Variants in EMID1 observed in about 807,000 individuals in gnomAD.
EMID1 encodes the protein EMI domain-containing protein 1.
Under a neutral mutation model 60.6 loss-of-function variants are expected in EMID1, and 40 were observed. The ratio of observed to expected loss-of-function variants is 0.66; its 90% confidence interval spans 0.51 to 0.86. EMID1 has a LOEUF of 0.86. Ranked by LOEUF, EMID1 falls within the 40% of genes least tolerant of loss-of-function variation. The probability of loss-of-function intolerance (pLI) is 0.00; values close to 1 mark genes in which losing one functional copy is unlikely to be tolerated. For missense variants in EMID1, 585 were observed against 597.1 expected (o/e 0.98, Z 0.21); for synonymous variants, 242 against 231.0 (o/e 1.05, Z -0.43).
chr22:29,238,757 C>T (rs2041054878), intron 12 of EMID1, among the ~76,000 whole-genome samples: 1 of 131,122 alleles, frequency 7.6e-6, no homozygotes, highest in Non-Finnish European at 1.6e-5. Context: ...GAAGCAAGAT[C>T]TCACTATGTT....
rs548460863 is a variant in EMID1 at position 29,247,544 on chromosome 22, C to G, written c.1119+4055C>G. Among the ~76,000 whole-genome samples the G allele has an allele frequency of 4.6e-5, 7 of 152,346 alleles. No individual in the cohort carries two copies. The East Asian group carries it at 1.3e-3, about 29-fold the overall frequency. ...CAGCACGTTACTACGCTAAATATTG[C>G]AGGCAACTGCAACACAGTCGTAAGT... On this transcript the variant is annotated intron_variant, in intron 13 of 14. Transcript: ENST00000334018.
chr22:29,251,147 C>G (rs190991883), intron 13 of EMID1, among the ~76,000 whole-genome samples: 1 of 151,480 alleles, frequency 6.6e-6, no homozygotes, highest in African/African-American at 2.4e-5. Context: ...TGCAGTGGTA[C>G]GATCTCAGCC....
chr22:29,257,841 C>T (rs544295718), intron 14 of EMID1, among the ~76,000 whole-genome samples: 4 of 152,316 alleles, frequency 2.6e-5, no homozygotes, highest in Admixed American at 2.6e-4. Flanking sequence ...AAGCCATGAT[C>T]CCAGCTGGCA....
chr22:29,255,264 C>A (rs1233852073), intron 14 of EMID1: 2 of 1,447,396 alleles, frequency 1.4e-6, no homozygotes, highest in East Asian at 2.7e-5. Flanking sequence ...TCTCCATCTC[C>A]CATCAGGCTC....
intron 14 of EMID1, among the ~76,000 whole-genome samples, chr22:29,255,042 C>T (rs931318646): frequency 6.6e-6 from 1 of 151,668 alleles, no homozygotes; most frequent in Admixed American, 6.6e-5. Context: ...CTCACTCACC[C>T]CAGGCATTCA....
At chr22:29,255,550 C>T (rs1354843218) in intron 14 of EMID1, 3 of 463,710 alleles carry the variant, frequency 6.5e-6, no homozygotes, top group Admixed American at 3.5e-5. Flanking sequence ...TGCGCACCTG[C>T]TCTGTGCCAG....
At chr22:29,239,657 A>G (rs2041082844) in intron 12 of EMID1, among the ~76,000 whole-genome samples, 1 of 152,176 alleles carries the variant, frequency 6.6e-6, no homozygotes, top group Non-Finnish European at 1.5e-5. Flanking sequence ...GAAGGTAGAC[A>G]TAATGTACTG....
intron 1 of EMID1, among the ~76,000 whole-genome samples, chr22:29,213,849 C>T (rs1047685535): frequency 5.9e-5 from 9 of 152,132 alleles, no homozygotes; most frequent in Admixed American, 2.0e-4. Flanking sequence ...GAGGAGAAGA[C>T]GGGAGCTGAG....
Position 29,234,347 on chromosome 22 carries a change from C to G in EMID1, c.1072C>G (p.Arg358Gly). 6.2e-7 allele frequency: 1 copy of G among 1,613,662 alleles called. No homozygotes were observed. ...EPGPQGSAGQ[R>G]GEPGPKGDPG... is the part of the protein sequence containing the mutation. Reference sequence around the variant, plus strand: ...TGGCCCCCAAGGCTCTGCTGGGCAGCGGGTAAGTGTTGCTGTCTGTCCCGC... The same window carrying G: ...TGGCCCCCAAGGCTCTGCTGGGCAGGGGGTAAGTGTTGCTGTCTGTCCCGC... Residue 358 changes from arginine (R) to glycine (G), a missense_variant and splice_region_variant, in exon 12 of 15, where the codon CGG becomes GGG. By Grantham distance (125) the Arg-to-Gly change is moderately radical. Transcript: ENST00000334018.
At chr22:29,255,357 G>T in intron 14 of EMID1, 1 of 1,494,192 alleles carries the variant, frequency 6.7e-7, no homozygotes, top group Non-Finnish European at 9.0e-7. Context: ...CCATCATCTG[G>T]CCAGGTAATG....
At chr22:29,215,359 T>G in intron 2 of EMID1, 168 bp from the exon 3 acceptor site, 1 of 898,546 alleles carries the variant, frequency 1.1e-6, no homozygotes. Context: ...GGCAAGGTGG[T>G]GGGGGGATGG....
chr22:29,234,063 A>G (rs376346501), intron 10 of EMID1, 74 bp from the exon 11 acceptor site: 1 of 1,528,914 alleles, frequency 6.5e-7, no homozygotes, highest in Non-Finnish European at 8.8e-7. Flanking sequence ...GCCCTCCCCA[A>G]CACCTCTGTT....
chr22:29,255,203 GCT>G, intron 14 of EMID1: 48 of 81,230 alleles, frequency 5.9e-4, no homozygotes, highest in Non-Finnish European at 1.3e-3. Context: ...CACCCTCCCC[GCT>G]TGGCTCCCCA....
chr22:29,220,776 G>A (rs1267257377), intron 3 of EMID1, among the ~76,000 whole-genome samples: 2 of 152,114 alleles, frequency 1.3e-5, no homozygotes, highest in Non-Finnish European at 2.9e-5. Context: ...CTGGACCTCA[G>A]TGTTCTGTGT....
chr22:29,225,170 G>GGGCAGTACCATGCGGCGGATGGCGCTTC lies in EMID1; in HGVS notation c.361_388dup (p.Pro130GlnfsTer54). 6.2e-7 allele frequency: 1 copy of GGGCAGTACCATGCGGCGGATGGCGCTTC among 1,613,966 alleles called. No individual in the cohort carries two copies. The highest frequency in any genetic ancestry group is 2.2e-5 in the East Asian group (1 of 44,884). On this transcript the variant is annotated frameshift_variant, in exon 4 of 15. Transcript: ENST00000334018. LOFTEE classifies it high-confidence loss of function. Reference sequence around the variant, plus strand: ...CTGCCTCCTTGGAGCCCATGTGGTCGGGCAGTACCATGCGGCGGATGGCGC... The same window carrying GGGCAGTACCATGCGGCGGATGGCGCTTC: ...CTGCCTCCTTGGAGCCCATGTGGTCGGGCAGTACCATGCGGCGGATGGCGCTTCGGCAGTACCATGCGGCGGATGGCGC...
In EMID1 at chr22:29,258,818, A is replaced by T; in HGVS notation, c.1206A>T (p.Glu402Asp). 6.2e-7 allele frequency: 1 copy of T among 1,612,976 alleles called. No individual in the cohort carries two copies. The highest frequency in any genetic ancestry group is 1.1e-5 in the South Asian group (1 of 91,060). Reference protein sequence around the residue: ...LILETMIGLYEPELGSGAGPA... With the variant: ...LILETMIGLYDPELGSGAGPA... ...CTCTCTCCTTCTTCCCTCCGGCAGAACCAGAGCTGGGGTCTGGGGCGGGCC... is the reference window on the plus strand; with the variant it reads ...CTCTCTCCTTCTTCCCTCCGGCAGATCCAGAGCTGGGGTCTGGGGCGGGCC... Residue 402 changes from glutamate (E) to aspartate (D), a missense_variant and splice_region_variant, in exon 15 of 15, where the codon GAA becomes GAT. By Grantham distance (45) the Glu-to-Asp change is conservative. Coordinates refer to ENST00000334018, the MANE Select transcript of EMID1 (RefSeq NM_133455.4).
chr22:29,205,976 C>G lies in EMID1; in HGVS notation c.-63C>G. 1 of 1,021,630 alleles carries G rather than the reference C, an allele frequency of 9.8e-7. No homozygotes were observed. 63.3% of individuals were successfully genotyped at this position (1,021,630 alleles called of 1,614,324 possible). A position where few individuals can be genotyped will look rare whatever the true frequency, so the allele number is the denominator to read the frequency against. On this transcript the variant is annotated 5_prime_UTR_variant, in exon 1 of 15. Coordinates refer to ENST00000334018, the MANE Select transcript of EMID1 (RefSeq NM_133455.4). ...GCGGCTGGCGGCGCGGGCAGGCAGG[C>G]GGGGAGGACAGGCTGGGGGCGGCGA...
intron 6 of EMID1, 73 bp downstream of exon 6, chr22:29,231,213 C>G: frequency 6.6e-7 from 1 of 1,517,822 alleles, no homozygotes; most frequent in East Asian, 2.3e-5. Flanking sequence ...GATTCTGGTC[C>G]CCACCCTGTC....
intron 12 of EMID1, among the ~76,000 whole-genome samples, chr22:29,236,220 C>T (rs905639097): frequency 2.0e-5 from 3 of 151,942 alleles, no homozygotes; most frequent in Admixed American, 2.0e-4. Context: ...AAAATGAGAC[C>T]CTTTTTCTAT....
Sources: allele counts gnomAD v4.1 joint callset (sites outside exome capture counted in the v4.1 genomes callset), GRCh38; gene constraint gnomAD v4.1.1; transcripts MANE v1.5; gene names NCBI Gene and HGNC (gene_info 2026-07-23, HGNC 2026-07-21).